PCDHGA9: variants seen among roughly 807,000 people sequenced by gnomAD.
The protein encoded by PCDHGA9 is protocadherin gamma subfamily A, 9.
PCDHGA9 carries 37 observed loss-of-function variants against 62.5 expected under a neutral mutation model. That is an observed-to-expected ratio of 0.59 (90% CI 0.46 to 0.78). The LOEUF is 0.78. PCDHGA9 is among the 30% of genes least tolerant of loss of function. The probability of loss-of-function intolerance (pLI) is 0.00; values close to 1 mark genes in which losing one functional copy is unlikely to be tolerated. For synonymous variants in PCDHGA9, 459 were observed against 484.6 expected, an observed-to-expected ratio of 0.95 and a Z score of 0.69; for missense variants, 1,138 against 1,166.2, an observed-to-expected ratio of 0.98 and a Z score of 0.35.
At chr5:141,473,738 C>T (rs755682627) in intron 1 of PCDHGA9, among the ~76,000 whole-genome samples, 2 of 152,310 alleles carry the variant, frequency 1.3e-5, no homozygotes, top group Non-Finnish European at 2.9e-5. Flanking sequence ...AGGGAGAAGA[C>T]ATGAGAACTT....
At position 141,415,266 on chromosome 5, in the gene PCDHGA9, G is replaced by C. The variant is rs371754316; in HGVS notation, c.2424+9890G>C. 49 of 1,614,100 alleles carry C rather than the reference G, an allele frequency of 3.0e-5. No individual in the cohort carries two copies. The African/African-American group carries it at 6.4e-4, about 21-fold the overall frequency. On this transcript the variant is annotated intron_variant, in intron 1 of 3. Transcript: ENST00000573521. ...AAACCTCAGACCTCACTCTGTACCT[G>C]GTGGTAGCGGTGGCCGCGGTCTCCT...
In PCDHGA9 at chr5:141,432,908, C is replaced by T. The variant is rs757934634; in HGVS notation, c.2424+27532C>T. On this transcript the variant is annotated intron_variant, in intron 1 of 3. Transcript: ENST00000573521. This position sits in a 1 kb window ranked among gnomAD's most constrained non-coding sequence, Gnocchi z 6.0. Reference sequence around the variant, plus strand: ...CATCTTGCTGCTGGCGCTCAGGCTGCGGCGCTGGCACAAGTCACGCCTGCT... The same window carrying T: ...CATCTTGCTGCTGGCGCTCAGGCTGTGGCGCTGGCACAAGTCACGCCTGCT... 3.7e-5 allele frequency: 60 copies of T among 1,614,050 alleles called. No individual in the cohort carries two copies. Among genetic ancestry groups the T allele is most frequent in the Middle Eastern group, 3.3e-4 (2 of 6,082 alleles).
In PCDHGA9 at chr5:141,489,493, G is replaced by C. The variant is rs1485293604; in HGVS notation, c.2425-5314G>C. 3 of 1,614,078 alleles carry C rather than the reference G, an allele frequency of 1.9e-6. No homozygotes were observed. The South Asian group carries it at 3.3e-5, about 18-fold the overall frequency. On this transcript the variant is annotated intron_variant, in intron 1 of 3. Coordinates refer to ENST00000573521, the MANE Select transcript of PCDHGA9 (RefSeq NM_018921.3). This position sits in a 1 kb window ranked among gnomAD's most constrained non-coding sequence, Gnocchi z 4.5. Reference sequence around the variant, plus strand: ...CCTGAGCTTGATGAGTGGTGCCCTGGCAGTGAATCAAAAGATTGACCGAGA... The same window carrying C: ...CCTGAGCTTGATGAGTGGTGCCCTGCCAGTGAATCAAAAGATTGACCGAGA...
chr5:141,455,924 G>A (rs2098837630), intron 1 of PCDHGA9, among the ~76,000 whole-genome samples: 1 of 149,978 alleles, frequency 6.7e-6, no homozygotes. Flanking sequence ...TTGAGACGGA[G>A]TCTCGCTCTG....
chr5:141,433,174 G>A (rs1298757358), intron 1 of PCDHGA9: 1 of 1,610,308 alleles, frequency 6.2e-7, no homozygotes, highest in Non-Finnish European at 8.5e-7. Context: ...ACAGTCATGG[G>A]TTAATTGAGG....
intron 1 of PCDHGA9, chr5:141,427,972 C>A: frequency 6.3e-7 from 1 of 1,593,948 alleles, no homozygotes; most frequent in Non-Finnish European, 8.6e-7. Context: ...GTGCTGTACC[C>A]CGCGCTGGGG....
chr5:141,403,476 A>T lies in PCDHGA9; in HGVS notation c.524A>T (p.Asn175Ile). 6.2e-7 allele frequency: 1 copy of T among 1,613,972 alleles called. No individual in the cohort carries two copies. The highest frequency in any genetic ancestry group is 8.5e-7 in the Non-Finnish European group (1 of 1,179,894). ...NSLQSYQLSP[N>I]HHFSLNVQTG... ...CTCCAGAGCTACCAGCTCAGCCCCA[A>T]TCACCACTTCTCCCTGAACGTGCAG... The change falls in exon 1 of 4, where the codon AAT (asparagine) becomes ATT (isoleucine). Residue 175 changes from asparagine (N) to isoleucine (I), a missense_variant. By Grantham distance (149) the Asn-to-Ile change is moderately radical (BLOSUM62 -3). Transcript: ENST00000573521.
intron 1 of PCDHGA9, among the ~76,000 whole-genome samples, chr5:141,494,030 A>G (rs1165393646): frequency 6.6e-6 from 1 of 151,978 alleles, no homozygotes; most frequent in Non-Finnish European, 1.5e-5. Context: ...AGCCCTGGAG[A>G]CTTAGTTGGC....
At chr5:141,422,209 C>G (rs1463323983) in intron 1 of PCDHGA9, 1 of 1,561,666 alleles carries the variant, frequency 6.4e-7, no homozygotes, top group East Asian at 2.2e-5. Context: ...TGGTGGAGGT[C>G]TCTTTACCAC....
Position 141,490,972 on chromosome 5 carries a change from C to G in PCDHGA9, c.2425-3835C>G. 6.2e-7 allele frequency: 1 copy of G among 1,613,912 alleles called. No homozygotes were observed. Among genetic ancestry groups the G allele is most frequent in the Non-Finnish European group, 8.5e-7 (1 of 1,179,922 alleles). Reference sequence around the variant, plus strand: ...AGACTGGGAACACTCAGCCCCCCAGCGTCTCCCTCGCTCTGCTCCTCCTGG... The same window carrying G: ...AGACTGGGAACACTCAGCCCCCCAGGGTCTCCCTCGCTCTGCTCCTCCTGG... On this transcript the variant is annotated intron_variant, in intron 1 of 3. Coordinates refer to ENST00000573521, the MANE Select transcript of PCDHGA9 (RefSeq NM_018921.3). The surrounding 1 kb of genome is among the most constrained non-coding windows in gnomAD (Gnocchi z 5.4).
In PCDHGA9 at chr5:141,511,345, TCC is replaced by T; in HGVS notation, c.*178_*179del. 1 of 1,410,484 alleles carries T rather than the reference TCC, an allele frequency of 7.1e-7. No homozygotes were observed. The highest frequency in any genetic ancestry group is 9.4e-7 in the Non-Finnish European group (1 of 1,060,658). The allele number at this position is 1,410,484 out of a possible 1,614,324, so 87.4% of individuals were successfully genotyped here. On this transcript the variant is annotated 3_prime_UTR_variant, in exon 4 of 4. Coordinates refer to ENST00000573521, the MANE Select transcript of PCDHGA9 (RefSeq NM_018921.3). ...AAGTGCCCAGTCAGCACCTACCCCT[TCC>T]CCCCCAGGGGGTTGAATATGCAAAA... is the stretch of plus-strand genomic sequence containing the variant.
rs749937052 is a variant in PCDHGA9, at chr5:141,490,441, G to A, written c.2425-4366G>A. ...CCTGCCATTTCAGATTAAGCCTTCT[G>A]AGAACCACTACTCGCTGCTAACCAG... On this transcript the variant is annotated intron_variant, in intron 1 of 3. Coordinates refer to ENST00000573521, the MANE Select transcript of PCDHGA9 (RefSeq NM_018921.3). The surrounding 1 kb of genome is among the most constrained non-coding windows in gnomAD (Gnocchi z 5.4). The A allele has an allele frequency of 9.3e-6, 15 of 1,614,208 alleles. No homozygotes were observed. The highest frequency in any genetic ancestry group is 1.2e-5 in the Non-Finnish European group (14 of 1,180,042).
rs537334679 is a variant in PCDHGA9 at position 141,413,479 on chromosome 5, C to G, written c.2424+8103C>G. ...GATAGACCGGGAGGAGCTCTGCGCTCAGAGCGCGCGGTGCGTGGTGAGTTT... is the reference window on the plus strand; with the variant it reads ...GATAGACCGGGAGGAGCTCTGCGCTGAGAGCGCGCGGTGCGTGGTGAGTTT... On this transcript the variant is annotated intron_variant, in intron 1 of 3. Coordinates refer to ENST00000573521, the MANE Select transcript of PCDHGA9 (RefSeq NM_018921.3). 4.3e-6 allele frequency: 7 copies of G among 1,614,084 alleles called. No individual in the cohort carries two copies. In the African/African-American group the frequency reaches 6.7e-5, roughly 15 times the overall value.
chr5:141,458,463 C>T (rs749353395), intron 1 of PCDHGA9, among the ~76,000 whole-genome samples: 15 of 151,844 alleles, frequency 9.9e-5, no homozygotes, highest in Admixed American at 8.5e-4. Flanking sequence ...TTTAAAATAC[C>T]GTACAACTGC....
At chr5:141,451,484 G>A (rs2098717067) in intron 1 of PCDHGA9, among the ~76,000 whole-genome samples, 1 of 152,194 alleles carries the variant, frequency 6.6e-6, no homozygotes, top group Admixed American at 6.5e-5. Flanking sequence ...CTTGCCATGT[G>A]GACCTCCATA....
rs1210691847 is a variant in PCDHGA9, at chr5:141,432,985, C to T, written c.2424+27609C>T. The stretch of plus-strand genomic sequence containing the variant: ...GAGCGCCGGCGTCGCACTTTGTGGG[C>T]GTGGACGGGGTGCAGGCTTTCCTGC... On this transcript the variant is annotated intron_variant, in intron 1 of 3. Transcript: ENST00000573521. The surrounding 1 kb of genome is among the most constrained non-coding windows in gnomAD (Gnocchi z 6.0). The T allele has an allele frequency of 3.1e-6, 5 of 1,614,176 alleles. No individual in the cohort carries two copies. The highest frequency in any genetic ancestry group is 4.2e-6 in the Non-Finnish European group (5 of 1,180,034).
At position 141,409,157 on chromosome 5, in the gene PCDHGA9, G is replaced by C. The variant is rs774813801; in HGVS notation, c.2424+3781G>C. 4 of 1,614,054 alleles carry C rather than the reference G, an allele frequency of 2.5e-6. No homozygotes were observed. In the South Asian group the frequency reaches 4.4e-5, roughly 18 times the overall value. ...AGATGTAGAAAGGTACACCATGGAA[G>C]TGGAAGCGAAGGACGGAGGTGGTCT... On this transcript the variant is annotated intron_variant, in intron 1 of 3. Coordinates refer to ENST00000573521, the MANE Select transcript of PCDHGA9 (RefSeq NM_018921.3).
At chr5:141,419,849 T>C in intron 1 of PCDHGA9, 1 of 1,614,040 alleles carries the variant, frequency 6.2e-7, no homozygotes, top group East Asian at 2.2e-5. Context: ...GCACCTGGTG[T>C]TCGCAGATAG....
intron 1 of PCDHGA9, chr5:141,414,279 A>G (rs1369675815): frequency 1.9e-6 from 3 of 1,613,350 alleles, no homozygotes; most frequent in Admixed American, 3.3e-5. Context: ...CTCTGGGAAC[A>G]GTCGTAGCCC....
Sources: gnomAD v4.1 joint callset for allele counts (sites outside exome capture counted in the v4.1 genomes callset) on GRCh38, gnomAD v4.1.1 for gene constraint, Gnocchi (gnomAD v3.1) non-coding constraint, MANE v1.5 for transcripts, NCBI Gene and HGNC (gene_info 2026-07-23, HGNC 2026-07-21) for gene names.